Variants in PRKCQ observed in about 807,000 individuals in gnomAD.
PRKCQ encodes the protein protein kinase C theta, also known as protein kinase C theta type.
A neutral mutation model predicts 91.2 loss-of-function variants in PRKCQ; 41 were observed. The ratio of observed to expected loss-of-function variants is 0.45; its 90% confidence interval spans 0.35 to 0.58. The LOEUF (loss-of-function observed/expected upper bound fraction) is 0.58. Among genes scored for constraint, PRKCQ ranks in the 20% least tolerant of loss-of-function variants. The pLI, the probability that PRKCQ is intolerant of heterozygous loss-of-function variation, is 0.00. For synonymous variants in PRKCQ, 307 were observed against 316.9 expected (o/e 0.97, Z 0.33); for missense variants, 673 against 896.5 (o/e 0.75, Z 3.18).
intron 1 of PRKCQ, among the ~76,000 whole-genome samples, chr10:6,525,497 C>T (rs935583912): frequency 2.6e-5 from 4 of 152,188 alleles, no homozygotes; most frequent in African/African-American, 7.2e-5. Flanking sequence ...AATAATCCCA[C>T]CTCGCCGTAC....
At chr10:6,443,721 G>A (rs1834091196) in intron 15 of PRKCQ, among the ~76,000 whole-genome samples, 1 of 152,206 alleles carries the variant, frequency 6.6e-6, no homozygotes, top group African/African-American at 2.4e-5. Context: ...ATATTATTCA[G>A]CCTTCAAGGT....
At chr10:6,462,270 T>A in intron 14 of PRKCQ, 33 bp downstream of exon 14, 5 of 1,579,798 alleles carry the variant, frequency 3.2e-6, no homozygotes, top group Non-Finnish European at 4.3e-6. Flanking sequence ...AAAGCCGATA[T>A]CTTAGCATTT....
intron 1 of PRKCQ, among the ~76,000 whole-genome samples, chr10:6,550,097 G>A (rs530762002): frequency 3.9e-5 from 6 of 152,042 alleles, no homozygotes; most frequent in South Asian, 2.1e-4. Flanking sequence ...TGCAATCTCC[G>A]TTCTACTTCC....
rs1833205485 is a variant in PRKCQ, at chr10:6,428,032, T to G, written c.*175A>C. 1.4e-6 allele frequency: 1 copy of G among 722,994 alleles called. No individual in the cohort carries two copies. The highest frequency in any genetic ancestry group is 2.2e-6 in the Non-Finnish European group (1 of 445,222). 44.8% of individuals were successfully genotyped at this position (722,994 alleles called of 1,614,324 possible). ...ACGAGACACACGGCATCGTCATTAGTGAAGTAGACTTGGTTTCTGCTACAG... is the reference window on the plus strand; with the variant it reads ...ACGAGACACACGGCATCGTCATTAGGGAAGTAGACTTGGTTTCTGCTACAG... On this transcript the variant is annotated 3_prime_UTR_variant, in exon 18 of 18. Coordinates refer to ENST00000263125, the MANE Select transcript of PRKCQ (RefSeq NM_006257.5).
chr10:6,521,922 G>GTTATGTTATTTATTTAT lies in PRKCQ; in HGVS notation c.-9-6779_-9-6778insATAAATAAATAACATAA, dbSNP rs748814617. Among the ~76,000 whole-genome samples, 170 of 63,262 alleles carry GTTATGTTATTTATTTAT rather than the reference G, an allele frequency of 2.7e-3. 1 individual carries two copies. Among genetic ancestry groups the GTTATGTTATTTATTTAT allele is most frequent in the African/African-American group, 7.3e-3 (161 of 22,204 alleles). 41.5% of individuals were successfully genotyped at this position (63,262 alleles called of 152,430 possible). On this transcript the variant is annotated intron_variant, in intron 1 of 17. Coordinates refer to ENST00000263125, the MANE Select transcript of PRKCQ (RefSeq NM_006257.5). ...GTTATGTGATGTTATGTTATGTTATGTTATTTATTTATTTATTTATTTATT... is the reference window on the plus strand; with the variant it reads ...GTTATGTGATGTTATGTTATGTTATGTTATGTTATTTATTTATTTATTTATTTATTTATTTATTTATT...
At chr10:6,520,836 A>G (rs1838974294) in intron 1 of PRKCQ, among the ~76,000 whole-genome samples, 1 of 152,184 alleles carries the variant, frequency 6.6e-6, no homozygotes. Context: ...GGGGACTTAT[A>G]GAGCCCCACC....
At position 6,441,916 on chromosome 10, in the gene PRKCQ, C is replaced by T; in HGVS notation, c.1813G>A (p.Glu605Lys). The change falls in exon 16 of 18, where the codon GAA (glutamate) becomes AAA (lysine). Residue 605 changes from glutamate (E) to lysine (K), a missense_variant. By Grantham distance (56) the Glu-to-Lys change is moderately conservative. Coordinates refer to ENST00000263125, the MANE Select transcript of PRKCQ (RefSeq NM_006257.5). ...NPFYPRWLEK[E>K]AKDLLVKLFV... ...ACCTTCACCAGAAGGTCCTTTGCTT[C>T]CTTCTCCAGCCACCGTGGGTAAAAG... 1 of 1,609,594 alleles carries T rather than the reference C, an allele frequency of 6.2e-7. No individual in the cohort carries two copies. The highest frequency in any genetic ancestry group is 1.1e-5 in the South Asian group (1 of 90,910).
At chr10:6,551,939 A>G (rs1233557686) in intron 1 of PRKCQ, among the ~76,000 whole-genome samples, 2 of 152,226 alleles carry the variant, frequency 1.3e-5, no homozygotes, top group Non-Finnish European at 2.9e-5. Flanking sequence ...TCCTACCAAC[A>G]GTGTATAAGC....
At chr10:6,415,366 AC>A in the PRKCQ span, among the ~76,000 whole-genome samples, 54 of 148,234 alleles carry the variant, frequency 3.6e-4, 1 homozygote, top group African/African-American at 1.3e-3. Context: ...AATTTCTTAA[AC>A]CTAGTGATAA....
chr10:6,404,522 CTCCT>C, the PRKCQ span, among the ~76,000 whole-genome samples: 296 of 137,746 alleles, frequency 2.1e-3, 2 homozygotes, highest in South Asian at 0.011. Context: ...TCCTTCCTCC[CTCCT>C]TCCTTCCTTC....
intron 1 of PRKCQ, among the ~76,000 whole-genome samples, chr10:6,578,491 CAG>C (rs2130991486): frequency 6.6e-6 from 1 of 152,300 alleles, no homozygotes; most frequent in South Asian, 2.1e-4. Flanking sequence ...AAATCAGAAA[CAG>C]AAGTTCATGA....
chr10:6,507,762 C>T (rs533974645), intron 3 of PRKCQ, among the ~76,000 whole-genome samples: 1 of 152,278 alleles, frequency 6.6e-6, no homozygotes, highest in African/African-American at 2.4e-5. Context: ...AAAACAGATT[C>T]TATTTGGTTT....
intron 15 of PRKCQ, among the ~76,000 whole-genome samples, chr10:6,453,395 G>A (rs1160662917): frequency 6.6e-6 from 1 of 152,178 alleles, no homozygotes; most frequent in Non-Finnish European, 1.5e-5. Context: ...AGTTAGAATG[G>A]CAATCATTAA....
Position 6,465,988 on chromosome 10 carries a change from T to C in PRKCQ, c.1354-1584A>G, listed in dbSNP as rs1296886855. The stretch of plus-strand genomic sequence containing the variant: ...CACACACCTGCTTTCTCATGCTACC[T>C]CTTGCTCTCATCAGCACCACAGAAA... On this transcript the variant is annotated intron_variant, in intron 12 of 17. Coordinates refer to ENST00000263125, the MANE Select transcript of PRKCQ (RefSeq NM_006257.5). The surrounding 1 kb of genome is among the most constrained non-coding windows in gnomAD (Gnocchi z 4.4). Among the ~76,000 whole-genome samples the C allele has an allele frequency of 2.6e-5, 4 of 152,350 alleles. No homozygotes were observed. Among genetic ancestry groups the C allele is most frequent in the African/African-American group, 9.6e-5 (4 of 41,572 alleles).
intron 1 of PRKCQ, among the ~76,000 whole-genome samples, chr10:6,523,731 T>C (rs958775888): frequency 4.6e-5 from 7 of 152,214 alleles, no homozygotes; most frequent in African/African-American, 1.4e-4. Flanking sequence ...ACACAAATTT[T>C]AATAGGTTAC....
intron 12 of PRKCQ, among the ~76,000 whole-genome samples, chr10:6,469,869 C>A (rs1002475603): frequency 5.3e-5 from 8 of 151,980 alleles, no homozygotes; most frequent in African/African-American, 1.5e-4. Flanking sequence ...AGTTCTCAAG[C>A]CACAGAAAGA....
chr10:6,426,066 G>A (rs932270612), downstream of PRKCQ, among the ~76,000 whole-genome samples: 7 of 152,166 alleles, frequency 4.6e-5, no homozygotes, highest in South Asian at 2.1e-4. Flanking sequence ...TGGAATCCAC[G>A]AGTGTCTGTG....
At chr10:6,559,019 A>C (rs867557452) in intron 1 of PRKCQ, among the ~76,000 whole-genome samples, 1 of 152,220 alleles carries the variant, frequency 6.6e-6, no homozygotes, top group East Asian at 1.9e-4. Flanking sequence ...CCTGGGCTGC[A>C]TGAGTGGGAA....
chr10:6,494,687 T>C (rs1837498130), intron 7 of PRKCQ, among the ~76,000 whole-genome samples: 2 of 152,196 alleles, frequency 1.3e-5, no homozygotes, highest in African/African-American at 4.8e-5. Context: ...CTCTGTCCTT[T>C]ATCTTCTACC....
Sources: allele counts gnomAD v4.1 joint callset (sites outside exome capture counted in the v4.1 genomes callset), GRCh38; gene constraint gnomAD v4.1.1; non-coding constraint Gnocchi (gnomAD v3.1); transcripts MANE v1.5; gene names NCBI Gene and HGNC (gene_info 2026-07-23, HGNC 2026-07-21).